Variants in CLVS1 observed in about 807,000 individuals in gnomAD.
The protein encoded by CLVS1 is clavesin 1, also known as clavesin-1.
In CLVS1, 10 loss-of-function variants were observed where a neutral mutation model predicts 33.1. The ratio of observed to expected loss-of-function variants is 0.30; its 90% CI spans 0.19 to 0.51. CLVS1 has a LOEUF of 0.51. Ranked by LOEUF, CLVS1 falls within the 20% of genes least tolerant of loss-of-function variation. CLVS1 has a pLI of 0.97. For missense variants in CLVS1, 343 were observed against 433.4 expected (o/e 0.79, Z 1.85); for synonymous variants, 163 against 166.1 (o/e 0.98, Z 0.14).
At chr8:61,402,502 A>G (rs1425422973) in intron 3 of CLVS1, among the ~76,000 whole-genome samples, 1 of 152,208 alleles carries the variant, frequency 6.6e-6, no homozygotes, top group East Asian at 1.9e-4. Flanking sequence ...GTGGCCCGAG[A>G]TCACAATAAA....
At chr8:61,320,994 A>G (rs1278881094) in intron 2 of CLVS1, among the ~76,000 whole-genome samples, 1 of 152,168 alleles carries the variant, frequency 6.6e-6, no homozygotes, top group East Asian at 1.9e-4. Flanking sequence ...CATTCACTTA[A>G]AAAAAACTAT....
intron 2 of CLVS1, among the ~76,000 whole-genome samples, chr8:61,328,439 G>A (rs1216034841): frequency 6.6e-6 from 1 of 152,104 alleles, no homozygotes; most frequent in African/African-American, 2.4e-5. Flanking sequence ...GATTTACATG[G>A]GCCAGCTACA....
intron 2 of CLVS1, among the ~76,000 whole-genome samples, chr8:61,159,494 T>A (rs1369956848): frequency 6.6e-6 from 1 of 152,212 alleles, no homozygotes; most frequent in Non-Finnish European, 1.5e-5. Flanking sequence ...ACTCCTTCCC[T>A]CCTGGTGAGC....
At chr8:60,972,003 G>T in the CLVS1 span, among the ~76,000 whole-genome samples, 5 of 152,198 alleles carry the variant, frequency 3.3e-5, no homozygotes, top group African/African-American at 1.2e-4. Flanking sequence ...GGTAAGCTCG[G>T]CTGGGTGGTG....
chr8:61,463,570 TTG>T (rs1817444342), intron 5 of CLVS1, among the ~76,000 whole-genome samples: 1 of 152,124 alleles, frequency 6.6e-6, no homozygotes, highest in Non-Finnish European at 1.5e-5. Flanking sequence ...TGCAATACTG[TTG>T]TGTCTCAAGG....
intron 2 of CLVS1, among the ~76,000 whole-genome samples, chr8:61,185,143 G>GCTTTTTTTTT (rs376138569): frequency 2.1e-5 from 3 of 143,764 alleles, no homozygotes; most frequent in Non-Finnish European, 4.5e-5. Context: ...AGAGAGTATA[G>GCTTTTTTTTT]TTTTTGTTTT....
At chr8:61,073,840 G>A (rs1042241528) in intron 1 of CLVS1, among the ~76,000 whole-genome samples, 35 of 150,434 alleles carry the variant, frequency 2.3e-4, no homozygotes, top group Non-Finnish European at 4.4e-4. Flanking sequence ...GTGAAACCCC[G>A]TCTCTACTAA....
At position 61,394,124 on chromosome 8, in the gene CLVS1, A is replaced by G. The variant is rs920015101; in HGVS notation, c.630+17345A>G. The stretch of plus-strand genomic sequence containing the variant: ...CACTTTGGGTGGCCGAGGCAGGTGG[A>G]TCACTTGAGGGCAGGAGTTCTAGAC... On this transcript the variant is annotated intron_variant, in intron 3 of 5. Coordinates refer to ENST00000325897, the MANE Select transcript of CLVS1 (RefSeq NM_173519.3). 3.3e-5 allele frequency among the ~76,000 whole-genome samples: 5 copies of G among 152,334 alleles called. No homozygotes were observed. The East Asian group carries it at 9.6e-4, about 29-fold the overall frequency.
chr8:61,000,720 C>T, the CLVS1 span, among the ~76,000 whole-genome samples: 1 of 152,170 alleles, frequency 6.6e-6, no homozygotes, highest in Non-Finnish European at 1.5e-5. Flanking sequence ...GTGGGGTTTT[C>T]CTGCAAGTCA....
At chr8:61,047,312 T>C in the CLVS1 span, among the ~76,000 whole-genome samples, 1 of 152,332 alleles carries the variant, frequency 6.6e-6, no homozygotes, top group Non-Finnish European at 1.5e-5. Context: ...AAACAACAGT[T>C]GCTGGAGAGG....
chr8:61,439,664 G>A (rs1018152742), intron 3 of CLVS1, among the ~76,000 whole-genome samples: 1 of 152,190 alleles, frequency 6.6e-6, no homozygotes. Flanking sequence ...CCAGGAATGA[G>A]GCAGATAACT....
At chr8:61,214,373 T>G (rs1407007559) in intron 2 of CLVS1, among the ~76,000 whole-genome samples, 4 of 152,220 alleles carry the variant, frequency 2.6e-5, no homozygotes, top group African/African-American at 9.6e-5. Flanking sequence ...CAACATGTGA[T>G]GTCTCCCCCA....
the CLVS1 span, among the ~76,000 whole-genome samples, chr8:60,996,960 A>T: frequency 6.6e-6 from 1 of 151,672 alleles, no homozygotes; most frequent in Non-Finnish European, 1.5e-5. Context: ...GTAGATTCCC[A>T]CCCTCACCCC....
At chr8:61,492,390 A>G (rs1191231975) in intron 5 of CLVS1, among the ~76,000 whole-genome samples, 1 of 152,220 alleles carries the variant, frequency 6.6e-6, no homozygotes, top group African/African-American at 2.4e-5. Flanking sequence ...TACCTTTTAC[A>G]GTCCATCTTC....
chr8:61,002,581 C>G, the CLVS1 span, among the ~76,000 whole-genome samples: 1 of 152,016 alleles, frequency 6.6e-6, no homozygotes, highest in East Asian at 1.9e-4. Context: ...ATCCACCTGC[C>G]TCGGCCTCCC....
intron 1 of CLVS1, among the ~76,000 whole-genome samples, chr8:61,065,120 A>G (rs72654620): frequency 0.06 from 9,175 of 152,286 alleles, 384 homozygotes; most frequent in Middle Eastern, 0.11. Context: ...GACACCCGCA[A>G]GGATACTAAA....
At chr8:61,019,121 G>A in the CLVS1 span, among the ~76,000 whole-genome samples, 1 of 152,206 alleles carries the variant, frequency 6.6e-6, no homozygotes, top group African/African-American at 2.4e-5. Context: ...ACTCTCCTAT[G>A]CCTTAGATTG....
At chr8:61,352,522 A>G (rs1015197933) in intron 2 of CLVS1, among the ~76,000 whole-genome samples, 3 of 152,080 alleles carry the variant, frequency 2.0e-5, no homozygotes, top group Admixed American at 6.6e-5. Flanking sequence ...ATATTTTACA[A>G]GAAAATCAGT....
chr8:61,451,651 T>C (rs943058807), intron 3 of CLVS1, among the ~76,000 whole-genome samples: 4 of 152,072 alleles, frequency 2.6e-5, no homozygotes, highest in Non-Finnish European at 5.9e-5. Flanking sequence ...CTCTTGGGGT[T>C]CTGGGAGACT....
Sources: allele counts gnomAD v4.1 joint callset (sites outside exome capture counted in the v4.1 genomes callset), GRCh38; gene constraint gnomAD v4.1.1; transcripts MANE v1.5; gene names NCBI Gene and HGNC (gene_info 2026-07-23, HGNC 2026-07-21).